The following ATXN10 variants were observed in gnomAD, a reference collection of about 807,000 sequenced individuals.
The protein encoded by ATXN10 is ataxin 10.
A neutral mutation model predicts 52.9 loss-of-function variants in ATXN10; 28 were observed. The observed-to-expected ratio is 0.53, with a 90% CI of 0.39 to 0.73. ATXN10 has a LOEUF of 0.73. Ranked by LOEUF, ATXN10 falls within the 30% of genes least tolerant of loss-of-function variation. The probability of loss-of-function intolerance (pLI) is 0.00; values close to 1 mark genes in which losing one functional copy is unlikely to be tolerated. For synonymous variants in ATXN10, 226 were observed against 221.5 expected, an observed-to-expected ratio of 1.02 and a Z score of -0.18; for missense variants, 565 against 577.0, an observed-to-expected ratio of 0.98 and a Z score of 0.21.
Position 45,769,837 on chromosome 22 carries a change from T to C in ATXN10, c.1173+29299T>C, listed in dbSNP as rs1569057574. Among the ~76,000 whole-genome samples, 1 of 152,150 alleles carries C rather than the reference T, an allele frequency of 6.6e-6. No individual in the cohort carries two copies. The highest frequency in any genetic ancestry group is 1.5e-5 in the Non-Finnish European group (1 of 68,024). ...AGTAGAGTGTGATCTGAACAAAAAC[T>C]CTTAAGAGTGTCAGGAAGTTAAAAA... On this transcript the variant is annotated intron_variant, in intron 9 of 11. Coordinates refer to ENST00000252934, the MANE Select transcript of ATXN10 (RefSeq NM_013236.4). The surrounding 1 kb of genome is among the most constrained non-coding windows in gnomAD (Gnocchi z 4.2).
At position 45,840,411 on chromosome 22, in the gene ATXN10, G is replaced by A. The variant is rs1226240854; in HGVS notation, c.1238-2580G>A. 1.3e-5 allele frequency among the ~76,000 whole-genome samples: 2 copies of A among 152,246 alleles called. No homozygotes were observed. The highest frequency in any genetic ancestry group is 4.2e-4 in the South Asian group (2 of 4,810). On this transcript the variant is annotated intron_variant, in intron 10 of 11. Transcript: ENST00000252934. The surrounding 1 kb of genome is among the most constrained non-coding windows in gnomAD (Gnocchi z 5.8). ...AGGTGCCGAGGGGTAGCTAAGACAG[G>A]GAAGGCTTCCGGGAGACTGTGATAC...
chr22:45,801,833 C>T (rs757312311), intron 9 of ATXN10, among the ~76,000 whole-genome samples: 1 of 152,172 alleles, frequency 6.6e-6, no homozygotes, highest in Non-Finnish European at 1.5e-5. Context: ...AAATCATTGC[C>T]ATTTCCTGTG....
chr22:45,700,616 A>G (rs1923806708), intron 4 of ATXN10, among the ~76,000 whole-genome samples: 1 of 152,096 alleles, frequency 6.6e-6, no homozygotes. Flanking sequence ...ACATATCCAA[A>G]CTTTGTTCAT....
At chr22:45,791,679 T>C (rs1426610000) in intron 9 of ATXN10, among the ~76,000 whole-genome samples, 1 of 152,218 alleles carries the variant, frequency 6.6e-6, no homozygotes, top group Non-Finnish European at 1.5e-5. Flanking sequence ...TATGCTAATA[T>C]TATTTCTAGA....
intron 7 of ATXN10, among the ~76,000 whole-genome samples, chr22:45,731,669 C>T (rs1925094450): frequency 6.6e-6 from 1 of 152,182 alleles, no homozygotes; most frequent in South Asian, 2.1e-4. Flanking sequence ...TGATCCGATA[C>T]TGTGAAACTG....
chr22:45,781,729 C>G lies in ATXN10; in HGVS notation c.1174-25230C>G, dbSNP rs1927156114. Reference sequence around the variant, plus strand: ...GCTTCTGTAAGCAATTATGACCACACTGGAAACAAATGAAAAAATCTCAGC... The same window carrying G: ...GCTTCTGTAAGCAATTATGACCACAGTGGAAACAAATGAAAAAATCTCAGC... On this transcript the variant is annotated intron_variant, in intron 9 of 11. Coordinates refer to ENST00000252934, the MANE Select transcript of ATXN10 (RefSeq NM_013236.4). This position sits in a 1 kb window ranked among gnomAD's most constrained non-coding sequence, Gnocchi z 4.2. 6.6e-6 allele frequency among the ~76,000 whole-genome samples: 1 copy of G among 152,040 alleles called. No individual in the cohort carries two copies. The highest frequency in any genetic ancestry group is 2.1e-4 in the South Asian group (1 of 4,824).
chr22:45,822,975 T>G (rs1928700776), intron 10 of ATXN10: 1 of 193,008 alleles, frequency 5.2e-6, no homozygotes, highest in South Asian at 7.8e-5. Context: ...TAAAAATTAT[T>G]TGTTCAGTTG....
intron 1 of ATXN10, chr22:45,674,721 A>AGAAAACAGCAGACAAAAAGC (rs1175554157): frequency 7.9e-5 from 12 of 152,288 alleles, no homozygotes; most frequent in Admixed American, 3.9e-4. Context: ...TGTAGCAAAT[A>AGAAAACAGCAGACAAAAAGC]GAAAACAGCA....
rs564235469 is a variant in ATXN10, at chr22:45,817,212, A to G, written c.1237+10190A>G. ...GCTGATTTCTACATTCTCAGGATTA[A>G]ACAGCTTATAAGCACTATGTGTTAA... On this transcript the variant is annotated intron_variant, in intron 10 of 11. Coordinates refer to ENST00000252934, the MANE Select transcript of ATXN10 (RefSeq NM_013236.4). Among the ~76,000 whole-genome samples, 10 of 152,314 alleles carry G rather than the reference A, an allele frequency of 6.6e-5. No homozygotes were observed. In the East Asian group the frequency reaches 1.7e-3, roughly 26 times the overall value.
chr22:45,680,171 G>A (rs1218619306), intron 1 of ATXN10: 1 of 152,182 alleles, frequency 6.6e-6, no homozygotes, highest in Non-Finnish European at 1.5e-5. Flanking sequence ...CATAAGTGGG[G>A]GATGCTCTTT....
intron 1 of ATXN10, among the ~76,000 whole-genome samples, chr22:45,686,997 T>C (rs1923169481): frequency 6.6e-6 from 1 of 152,072 alleles, no homozygotes; most frequent in African/African-American, 2.4e-5. Context: ...TGATCACAGC[T>C]CCACATTATT....
At chr22:45,702,036 A>G (rs888353568) in intron 4 of ATXN10, among the ~76,000 whole-genome samples, 5 of 152,188 alleles carry the variant, frequency 3.3e-5, no homozygotes, top group African/African-American at 7.2e-5. Context: ...CAGTTTTGTC[A>G]GGTGCTGGCT....
intron 9 of ATXN10, among the ~76,000 whole-genome samples, chr22:45,806,423 A>G (rs1259578319): frequency 6.6e-6 from 1 of 152,198 alleles, no homozygotes. Flanking sequence ...CAAGTTCTTT[A>G]TATATTAAAA....
chr22:45,725,443 G>T (rs1924830415), intron 6 of ATXN10, among the ~76,000 whole-genome samples: 1 of 144,336 alleles, frequency 6.9e-6, no homozygotes. Context: ...AAGGGACTGT[G>T]TTCTTGATTT....
intron 6 of ATXN10, among the ~76,000 whole-genome samples, chr22:45,724,260 G>T (rs1924778887): frequency 6.6e-6 from 1 of 152,070 alleles, no homozygotes; most frequent in Non-Finnish European, 1.5e-5. Context: ...TTCCATGAAG[G>T]TTTTACTATT....
intron 9 of ATXN10, among the ~76,000 whole-genome samples, chr22:45,751,224 C>T (rs1468258363): frequency 1.3e-5 from 2 of 152,206 alleles, no homozygotes; most frequent in African/African-American, 4.8e-5. Context: ...AGCCACCATG[C>T]CCAGCCTCTT....
intron 10 of ATXN10, among the ~76,000 whole-genome samples, chr22:45,836,150 C>T (rs1325016105): frequency 1.3e-5 from 2 of 152,100 alleles, no homozygotes; most frequent in Non-Finnish European, 2.9e-5. Flanking sequence ...GCAGGGAGAC[C>T]CTGTGTAGAA....
chr22:45,768,851 A>C (rs1182131661), intron 9 of ATXN10, among the ~76,000 whole-genome samples: 1 of 152,254 alleles, frequency 6.6e-6, no homozygotes, highest in Non-Finnish European at 1.5e-5. Context: ...GGATATTTGA[A>C]CGTGGACTGG....
intron 7 of ATXN10, chr22:45,734,427 A>AT: frequency 3.9e-6 from 1 of 253,694 alleles, no homozygotes. Context: ...TGTTTACGTA[A>AT]TTTTTGTTTG....
Sources: allele counts gnomAD v4.1 joint callset (sites outside exome capture counted in the v4.1 genomes callset), GRCh38; gene constraint gnomAD v4.1.1; non-coding constraint Gnocchi (gnomAD v3.1); transcripts MANE v1.5; gene names NCBI Gene and HGNC (gene_info 2026-07-23, HGNC 2026-07-21).